Variants in MYL2 observed in about 807,000 individuals in gnomAD.
The protein encoded by MYL2 is myosin regulatory light chain 2, ventricular/cardiac muscle isoform.
A neutral mutation model predicts 23.0 loss-of-function variants in MYL2; 19 were observed. That is an observed-to-expected ratio of 0.83 (90% CI 0.58 to 1.21). MYL2 has a LOEUF of 1.21. Ranked by LOEUF, MYL2 falls within the 50% of genes most tolerant of loss-of-function variation. MYL2 has a pLI of 0.00. For missense variants in MYL2, 180 were observed against 215.1 expected, an observed-to-expected ratio of 0.84 and a Z score of 1.02; for synonymous variants, 78 against 76.2, an observed-to-expected ratio of 1.02 and a Z score of -0.13.
chr12:110,913,225 TC>T lies in MYL2; in HGVS notation c.353+20del, dbSNP rs3833910. 0.31 allele frequency: 493,997 copies of T among 1,613,892 alleles called. 77,478 individuals are homozygous for T. The highest frequency in any genetic ancestry group is 0.35 in the Admixed American group (20,737 of 60,016). The stretch of plus-strand genomic sequence containing the variant: ...GGGGGCAAGCAGGGAACCCCCTTCC[TC>T]CCCCACAGACCCCACTCACTAATCA... On this transcript the variant is annotated intron_variant, in intron 5 of 6. Coordinates refer to ENST00000228841, the MANE Select transcript of MYL2 (RefSeq NM_000432.4).
chr12:110,911,212 G>A (rs1292936601), intron 6 of MYL2, 37 bp from the exon 7 acceptor site: 3 of 1,130,506 alleles, frequency 2.7e-6, no homozygotes, highest in African/African-American at 1.6e-5. Context: ...AGGACGAGGG[G>A]AGGGGAACTG....
intron 6 of MYL2, 43 bp downstream of exon 6, chr12:110,913,053 C>G: frequency 6.2e-7 from 1 of 1,612,310 alleles, no homozygotes; most frequent in Non-Finnish European, 8.5e-7. Context: ...AGAAGGAGAA[C>G]CCAGGAGCTG....
rs565559853 is a variant in MYL2, at chr12:110,915,890, T to C, written c.94-100A>G. ...TTGGCAGGAGTGGATTCTGGGATCTTCAAAGATCATTGTAGGACCTCAGAT... is the reference window on the plus strand; with the variant it reads ...TTGGCAGGAGTGGATTCTGGGATCTCCAAAGATCATTGTAGGACCTCAGAT... On this transcript the variant is annotated intron_variant, in intron 2 of 6. Transcript: ENST00000228841. 1.8e-4 allele frequency: 165 copies of C among 933,524 alleles called. No individual in the cohort carries two copies. In the African/African-American group the frequency reaches 2.5e-3, roughly 14 times the overall value. 57.8% of individuals were successfully genotyped at this position (933,524 alleles called of 1,614,324 possible).
chr12:110,920,882 A>G (rs537698209), upstream of MYL2, among the ~76,000 whole-genome samples: 164 of 152,314 alleles, frequency 1.1e-3, 1 homozygote, highest in Middle Eastern at 0.014. Flanking sequence ...TGGCAGGGAG[A>G]GGAGACTGCT....
intron 6 of MYL2, among the ~76,000 whole-genome samples, chr12:110,912,633 C>T (rs2071661001): frequency 6.6e-6 from 1 of 152,240 alleles, no homozygotes; most frequent in Admixed American, 6.5e-5. Flanking sequence ...GATCTTGGCT[C>T]ATTGCAACCT....
intron 6 of MYL2, 70 bp from the exon 7 acceptor site, chr12:110,911,245 G>A: frequency 2.0e-6 from 1 of 511,468 alleles, no homozygotes; most frequent in Non-Finnish European, 3.6e-6. Flanking sequence ...GGGGGCTGTG[G>A]GCGGGGCCTG....
Position 110,911,127 on chromosome 12 carries a change from C to G in MYL2, c.451G>C (p.Asp151His). The G allele has an allele frequency of 6.2e-7, 1 of 1,613,946 alleles. No homozygotes were observed. ...ATGATGTGCACCAGGTTCTTGTAGTCCAAGTTGCCAGTCACGTCAGGGGGG... is the reference window on the plus strand; with the variant it reads ...ATGATGTGCACCAGGTTCTTGTAGTGCAAGTTGCCAGTCACGTCAGGGGGG... Reference protein sequence around the residue: ...AFPPDVTGNLDYKNLVHIITH... With the variant: ...AFPPDVTGNLHYKNLVHIITH... The change falls in exon 7 of 7, where the codon GAC (aspartate) becomes CAC (histidine). Residue 151 changes from aspartate (D) to histidine (H), a missense_variant. Physicochemically the swap from Asp to His is moderately conservative, Grantham distance 81 (BLOSUM62 -1). Transcript: ENST00000228841.
intron 3 of MYL2, 184 bp from the exon 4 acceptor site, chr12:110,914,474 A>C: frequency 3.2e-6 from 2 of 618,146 alleles, no homozygotes; most frequent in African/African-American, 1.8e-5. Flanking sequence ...TAATAACCAA[A>C]TGACTGGAAG....
intron 6 of MYL2, among the ~76,000 whole-genome samples, chr12:110,912,662 C>T (rs867607125): frequency 2.0e-5 from 3 of 152,298 alleles, no homozygotes; most frequent in South Asian, 4.1e-4. Flanking sequence ...CGGGTTCAAG[C>T]GATTCTCGTG....
At chr12:110,913,025 G>C (rs914411458) in intron 6 of MYL2, 71 bp downstream of exon 6, 279 of 1,542,084 alleles carry the variant, frequency 1.8e-4, no homozygotes, top group Non-Finnish European at 2.5e-4. Context: ...TTAGACGAGA[G>C]GGGAGACGGA....
rs756671869 is a variant in MYL2, at chr12:110,914,288, G to A, written c.172C>T (p.Arg58Ter). ...DLRDTFAALG[R>*]VNVKNEEIDE... is the part of the protein sequence containing the mutation. ...ATTTCTTCATTTTTCACGTTCACTC[G>A]CCCTAGGGTAGGAAACACACACTCA... The change falls in exon 4 of 7, where the codon CGA becomes TGA. Residue 58 changes from arginine to a stop codon, truncating the protein, a stop_gained and splice_region_variant. Transcript: ENST00000228841. LOFTEE classifies it high-confidence loss of function. 2.4e-5 allele frequency: 38 copies of A among 1,612,348 alleles called. No homozygotes were observed. Among genetic ancestry groups the A allele is most frequent in the Non-Finnish European group, 3.0e-5 (35 of 1,178,700 alleles).
chr12:110,913,144 G>A lies in MYL2; in HGVS notation c.354C>T (p.Tyr118=), dbSNP rs750193844. 18 of 1,614,100 alleles carry A rather than the reference G, an allele frequency of 1.1e-5. No homozygotes were observed. Among genetic ancestry groups the A allele is most frequent in the Admixed American group, 3.3e-5 (2 of 60,004 alleles). The change falls in exon 6 of 7, where the codon TAC becomes TAT. Residue 118 remains tyrosine (Y), a splice_region_variant and synonymous_variant. Coordinates refer to ENST00000228841, the MANE Select transcript of MYL2 (RefSeq NM_000432.4). ...CCTGCGTGGTCAGCATTTCCCGAACGCTGCAGAGAAAGGAAAGCAGGTGTT... is the reference window on the plus strand; with the variant it reads ...CCTGCGTGGTCAGCATTTCCCGAACACTGCAGAGAAAGGAAAGCAGGTGTT... ...PEGKGVLKAD[Y]VREMLTTQAE...
Position 110,918,990 on chromosome 12 carries a change from T to C in MYL2, c.93+114A>G. ...CGTTCAGGCCGAATTTGGGATTGTT[T>C]GGAGGATAGAGGCATCTAATGAAAG... On this transcript the variant is annotated intron_variant, in intron 2 of 6. Transcript: ENST00000228841. This position sits in a 1 kb window ranked among gnomAD's most constrained non-coding sequence, Gnocchi z 4.4. 1 of 923,958 alleles carries C rather than the reference T, an allele frequency of 1.1e-6. No individual in the cohort carries two copies. The highest frequency in any genetic ancestry group is 1.7e-6 in the Non-Finnish European group (1 of 571,738). 57.2% of individuals were successfully genotyped at this position (923,958 alleles called of 1,614,324 possible).
rs777225996 is a variant in MYL2 at position 110,914,286 on chromosome 12, T to C, written c.174A>G (p.Arg58=). The C allele has an allele frequency of 6.2e-7, 1 of 1,613,478 alleles. No homozygotes were observed. The highest frequency in any genetic ancestry group is 2.2e-5 in the East Asian group (1 of 44,884). ...CAATTTCTTCATTTTTCACGTTCAC[T>C]CGCCCTAGGGTAGGAAACACACACT... The part of the protein sequence containing the change: ...DLRDTFAALG[R]VNVKNEEIDE... The change falls in exon 4 of 7, where the codon CGA becomes CGG. Residue 58 remains arginine (R), a synonymous_variant. Transcript: ENST00000228841.
In MYL2 at chr12:110,914,503, T is replaced by C. The variant is rs979596659; in HGVS notation, c.170-213A>G. Among the ~76,000 whole-genome samples the C allele has an allele frequency of 5.3e-5, 8 of 152,260 alleles. No individual in the cohort carries two copies. In the South Asian group the frequency reaches 1.0e-3, roughly 20 times the overall value. On this transcript the variant is annotated intron_variant, in intron 3 of 6. Transcript: ENST00000228841. ...CTGGAAGCGACCCTAACATCTGATG[T>C]GGGAAGGTGTTCGTTATTTATTTAT...
intron 6 of MYL2, among the ~76,000 whole-genome samples, chr12:110,912,579 A>G (rs1379716155): frequency 6.6e-6 from 1 of 152,158 alleles, no homozygotes; most frequent in African/African-American, 2.4e-5. Context: ...TTTATTTTTG[A>G]GACAGAGTCT....
Position 110,911,022 on chromosome 12 carries a change from GA to G in MYL2, c.*54del. 5 of 1,461,986 alleles carry G rather than the reference GA, an allele frequency of 3.4e-6. No homozygotes were observed. The highest frequency in any genetic ancestry group is 4.8e-6 in the Non-Finnish European group (5 of 1,041,820). The allele number at this position is 1,461,986 out of a possible 1,614,324, so 90.6% of individuals were successfully genotyped here. Reference sequence around the variant, plus strand: ...GAGGCGGTACTCGGGGGAGAGAGATGAGGGCAGGGACCACTCTGCAAAGACG... The same window carrying G: ...GAGGCGGTACTCGGGGGAGAGAGATGGGGCAGGGACCACTCTGCAAAGACG... On this transcript the variant is annotated 3_prime_UTR_variant, in exon 7 of 7. Transcript: ENST00000228841.
Position 110,919,343 on chromosome 12 carries a change from A to G in MYL2, c.4-150T>C, listed in dbSNP as rs903840342. 6 of 651,672 alleles carry G rather than the reference A, an allele frequency of 9.2e-6. No individual in the cohort carries two copies. The Admixed American group carries it at 1.6e-4, about 17-fold the overall frequency. The allele number at this position is 651,672 out of a possible 1,614,324, so 40.4% of individuals were successfully genotyped here. A position where few individuals can be genotyped will look rare whatever the true frequency, so the allele number is the denominator to read the frequency against. On this transcript the variant is annotated intron_variant, in intron 1 of 6. Coordinates refer to ENST00000228841, the MANE Select transcript of MYL2 (RefSeq NM_000432.4). The stretch of plus-strand genomic sequence containing the variant: ...ACAGCATCCACACTCAGGTCTCCAA[A>G]CGGTGATGCTGGAGGGAGCAAAGGA...
Position 110,915,783 on chromosome 12 carries a change from G to A in MYL2, c.101C>T (p.Thr34Ile), listed in dbSNP as rs876657894. ...TQIQEFKEAF[T>I]IMDQNRDGFI... ...GCCATCCCTGTTCTGGTCCATGATAGTGAAGGCCTGTGGAAGGGAAGTGAT... is the reference window on the plus strand; with the variant it reads ...GCCATCCCTGTTCTGGTCCATGATAATGAAGGCCTGTGGAAGGGAAGTGAT... Residue 34 changes from threonine to isoleucine, a missense_variant, in exon 3 of 7, where the codon ACT becomes ATT. By Grantham distance (89) the Thr-to-Ile change is moderately conservative. Transcript: ENST00000228841. The A allele has an allele frequency of 7.4e-6, 12 of 1,614,050 alleles. No homozygotes were observed. Among genetic ancestry groups the A allele is most frequent in the Non-Finnish European group, 1.0e-5 (12 of 1,180,014 alleles).
Sources: gnomAD v4.1 joint callset for allele counts (sites outside exome capture counted in the v4.1 genomes callset) on GRCh38, gnomAD v4.1.1 for gene constraint, Gnocchi (gnomAD v3.1) non-coding constraint, MANE v1.5 for transcripts, NCBI Gene and HGNC (gene_info 2026-07-23, HGNC 2026-07-21) for gene names.